Variants in RADIL observed in about 807,000 individuals in gnomAD.
RADIL encodes the protein ras-associating and dilute domain-containing protein.
RADIL carries 99 observed loss-of-function variants against 97.6 expected under a neutral mutation model. The ratio of observed to expected loss-of-function variants is 1.01; its 90% confidence interval spans 0.86 to 1.20. RADIL has a LOEUF of 1.20. Among genes scored for constraint, RADIL ranks in the 50% most tolerant of loss-of-function variants. The pLI, the probability that RADIL is intolerant of heterozygous loss-of-function variation, is 0.00. For missense variants in RADIL, 1,765 were observed against 1,498.9 expected (o/e 1.18, Z -2.93); for synonymous variants, 803 against 691.8 (o/e 1.16, Z -2.52).
chr7:4,853,087 T>C (rs2115022992), intron 2 of RADIL, among the ~76,000 whole-genome samples: 1 of 152,130 alleles, frequency 6.6e-6, no homozygotes, highest in Non-Finnish European at 1.5e-5. Context: ...TGGGGGACCT[T>C]GAGATGGGGT....
At chr7:4,881,101 TAAAAAAAAAAA>T (rs58900044) in intron 1 of RADIL, among the ~76,000 whole-genome samples, 2 of 55,180 alleles carry the variant, frequency 3.6e-5, no homozygotes, top group African/African-American at 1.2e-4. Flanking sequence ...CCCTCTCTGT[TAAAAAAAAAAA>T]AAAAAAAAAA....
chr7:4,839,360 T>C (rs761385695), intron 2 of RADIL, among the ~76,000 whole-genome samples: 1 of 152,176 alleles, frequency 6.6e-6, no homozygotes, highest in Non-Finnish European at 1.5e-5. Flanking sequence ...CTTGGTATAA[T>C]TTCCGTTTTT....
At chr7:4,841,729 G>C (rs1383697786) in intron 2 of RADIL, among the ~76,000 whole-genome samples, 1 of 152,176 alleles carries the variant, frequency 6.6e-6, no homozygotes, top group African/African-American at 2.4e-5. Context: ...CTAATACATG[G>C]GGTCCCAGCC....
At chr7:4,844,353 G>T (rs887722069) in intron 2 of RADIL, among the ~76,000 whole-genome samples, 10 of 152,078 alleles carry the variant, frequency 6.6e-5, no homozygotes, top group African/African-American at 9.6e-5. Context: ...GCTGAGGCAG[G>T]AGAATTGCTT....
At chr7:4,800,562 G>A (rs1232557960) in intron 12 of RADIL, among the ~76,000 whole-genome samples, 5 of 152,082 alleles carry the variant, frequency 3.3e-5, no homozygotes, top group South Asian at 2.1e-4. Flanking sequence ...CAGGACACTC[G>A]CCCCTCTGGG....
Position 4,817,440 on chromosome 7 carries a change from G to A in RADIL, c.1616-89C>T, listed in dbSNP as rs927573286. 7.5e-6 allele frequency: 9 copies of A among 1,199,200 alleles called. No individual in the cohort carries two copies. Among genetic ancestry groups the A allele is most frequent in the South Asian group, 2.9e-5 (2 of 69,970 alleles). 74.3% of individuals were successfully genotyped at this position (1,199,200 alleles called of 1,614,324 possible). On this transcript the variant is annotated intron_variant, in intron 6 of 14. Transcript: ENST00000399583. This position sits in a 1 kb window ranked among gnomAD's most constrained non-coding sequence, Gnocchi z 8.3. The stretch of plus-strand genomic sequence containing the variant: ...GCCAGCCGCCAGCTCTTTCCCTGGC[G>A]CGGGCACCACCCAACGCGCCCATCT...
intron 11 of RADIL, 95 bp from the exon 12 acceptor site, chr7:4,802,090 G>T (rs556203883): frequency 1.8e-6 from 2 of 1,092,314 alleles, no homozygotes; most frequent in South Asian, 1.7e-5. Context: ...GGGCCGCCAG[G>T]CCGCGGGGCA....
intron 2 of RADIL, chr7:4,858,380 T>A (rs1783887008): frequency 6.6e-6 from 1 of 152,244 alleles, no homozygotes; most frequent in Admixed American, 6.5e-5. Flanking sequence ...GCCCCTCACA[T>A]TTCCTAATCA....
At position 4,800,271 on chromosome 7, in the gene RADIL, G is replaced by T. The variant is rs766778339; in HGVS notation, c.2882C>A (p.Pro961Gln). The part of the protein sequence containing the change: ...AALAEESPPA[P>Q]SSRSSSTEDF... The stretch of plus-strand genomic sequence containing the variant: ...CTCGGTGCTGGAGCTGCGGCTGGAC[G>T]GGGCTGGAGGGGACTCCTCCGCAAG... Residue 961 changes from proline to glutamine, a missense_variant, in exon 13 of 15, where the codon CCG (proline) becomes CAG (glutamine). Physicochemically the swap from Pro to Gln is moderately conservative, Grantham distance 76 (BLOSUM62 -1). Transcript: ENST00000399583. 9 of 1,526,694 alleles carry T rather than the reference G, an allele frequency of 5.9e-6. No homozygotes were observed. Among genetic ancestry groups the T allele is most frequent in the Non-Finnish European group, 7.9e-6 (9 of 1,139,912 alleles). The allele number at this position is 1,526,694 out of a possible 1,614,324, so 94.6% of individuals were successfully genotyped here.
At chr7:4,820,491 A>C (rs1454165432) in intron 6 of RADIL, among the ~76,000 whole-genome samples, 1 of 152,190 alleles carries the variant, frequency 6.6e-6, no homozygotes, top group Non-Finnish European at 1.5e-5. Flanking sequence ...GCAAGGGCAC[A>C]GGCCAGATGC....
chr7:4,861,890 G>A, intron 2 of RADIL: 2 of 1,044,260 alleles, frequency 1.9e-6, no homozygotes, highest in African/African-American at 1.7e-5. Flanking sequence ...GATCCGCTGA[G>A]GCGGAAGGGC....
Position 4,822,298 on chromosome 7 carries a change from T to C in RADIL, c.1615+96A>G. The stretch of plus-strand genomic sequence containing the variant: ...GCCCCCGGCATGAATCCACCCCTGC[T>C]ATCATGGCCAACTAGGTTCCGAGGA... On this transcript the variant is annotated intron_variant, in intron 6 of 14. Transcript: ENST00000399583. The surrounding 1 kb of genome is among the most constrained non-coding windows in gnomAD (Gnocchi z 5.3). 6.5e-6 allele frequency: 9 copies of C among 1,386,556 alleles called. No homozygotes were observed. The highest frequency in any genetic ancestry group is 1.4e-5 in the African/African-American group (1 of 69,452). The allele number at this position is 1,386,556 out of a possible 1,614,324, so 85.9% of individuals were successfully genotyped here.
intron 13 of RADIL, 115 bp from the exon 14 acceptor site, chr7:4,799,884 C>T (rs1183228925): frequency 2.9e-6 from 4 of 1,381,108 alleles, no homozygotes; most frequent in Non-Finnish European, 2.9e-6. Context: ...CCAGCCAGGC[C>T]CACTCATGGT....
At chr7:4,800,440 G>A (rs532784441) in intron 12 of RADIL, 130 bp from the exon 13 acceptor site, 22 of 1,014,672 alleles carry the variant, frequency 2.2e-5, no homozygotes, top group Middle Eastern at 3.1e-4. Context: ...CCCAGGAGAC[G>A]CTGTTCAGGC....
At chr7:4,866,721 G>A (rs1784139051) in intron 2 of RADIL, among the ~76,000 whole-genome samples, 1 of 152,336 alleles carries the variant, frequency 6.6e-6, no homozygotes, top group East Asian at 1.9e-4. Flanking sequence ...GGGGTGAGGA[G>A]AGCAGCACAG....
At position 4,799,379 on chromosome 7, in the gene RADIL, T is replaced by C. The variant is rs777165347; in HGVS notation, c.3227A>G (p.Ter1076TrpextTer17). The change falls in exon 15 of 15, where the codon TAG (stop) becomes TGG (tryptophan). Residue 1076 changes from the stop codon to tryptophan, a stop_lost. Coordinates refer to ENST00000399583, the MANE Select transcript of RADIL (RefSeq NM_018059.5). Reference protein sequence around the residue: ...KKIHFRTPPL* With the variant: ...KKIHFRTPPLW ...TGTGGGGGTGTCCTCGCAGCCCCCC[T>C]AGAGAGGGGGCGTGCGGAAATGGAT... 1.2e-6 allele frequency: 2 copies of C among 1,613,194 alleles called. No individual in the cohort carries two copies. The highest frequency in any genetic ancestry group is 1.7e-6 in the Non-Finnish European group (2 of 1,179,722).
rs1415100224 is a variant in RADIL, at chr7:4,824,109, C to A, written c.1455-1555G>T. On this transcript the variant is annotated intron_variant, in intron 5 of 14. Coordinates refer to ENST00000399583, the MANE Select transcript of RADIL (RefSeq NM_018059.5). The surrounding 1 kb of genome is among the most constrained non-coding windows in gnomAD (Gnocchi z 6.7). ...CCTTTTGCAAACAGATCAAATCACA[C>A]AGATCTGACTTGGGTCTGCCTGGGG... Among the ~76,000 whole-genome samples the A allele has an allele frequency of 3.3e-5, 5 of 152,248 alleles. No individual in the cohort carries two copies. Among genetic ancestry groups the A allele is most frequent in the African/African-American group, 9.6e-5 (4 of 41,468 alleles).
intron 2 of RADIL, among the ~76,000 whole-genome samples, chr7:4,848,338 C>T (rs1783626760): frequency 6.6e-6 from 1 of 151,040 alleles, no homozygotes; most frequent in African/African-American, 2.4e-5. Context: ...ATAAAAATAC[C>T]TCTTATAATA....
intron 9 of RADIL, among the ~76,000 whole-genome samples, chr7:4,812,010 G>A (rs1782561520): frequency 1.3e-5 from 2 of 151,596 alleles, no homozygotes; most frequent in South Asian, 4.2e-4. Context: ...AAGTAGCTGG[G>A]ACCACGGGCA....
Sources: allele counts gnomAD v4.1 joint callset (sites outside exome capture counted in the v4.1 genomes callset), GRCh38; gene constraint gnomAD v4.1.1; non-coding constraint Gnocchi (gnomAD v3.1); transcripts MANE v1.5; gene names NCBI Gene and HGNC (gene_info 2026-07-23, HGNC 2026-07-21).